Variants in SND1 observed in about 807,000 individuals in gnomAD.
SND1 encodes staphylococcal nuclease and tudor domain containing 1, also known as staphylococcal nuclease domain-containing protein 1.
SND1 carries 38 observed loss-of-function variants against 121.7 expected under a neutral mutation model. The ratio of observed to expected loss-of-function variants is 0.31; its 90% CI spans 0.24 to 0.41. The LOEUF (loss-of-function observed/expected upper bound fraction) is 0.41. Among genes scored for constraint, SND1 ranks in the 10% least tolerant of loss-of-function variants. The pLI, the probability that SND1 is intolerant of heterozygous loss-of-function variation, is 1.00. For synonymous variants in SND1, 401 were observed against 447.4 expected, an observed-to-expected ratio of 0.90 and a Z score of 1.31; for missense variants, 868 against 1,184.6, an observed-to-expected ratio of 0.73 and a Z score of 3.92.
intron 16 of SND1, among the ~76,000 whole-genome samples, chr7:128,001,406 C>T (rs1802823220): frequency 1.3e-5 from 2 of 152,226 alleles, no homozygotes; most frequent in African/African-American, 4.8e-5. Flanking sequence ...CATCCCTTAG[C>T]CTCTCTAAAC....
chr7:127,941,545 C>T (rs1227838240), intron 15 of SND1, among the ~76,000 whole-genome samples: 1 of 152,196 alleles, frequency 6.6e-6, no homozygotes. Flanking sequence ...TGAGCTTGTA[C>T]ATCTGCTAGT....
intron 11 of SND1, among the ~76,000 whole-genome samples, chr7:127,820,604 T>C (rs1798530480): frequency 6.6e-6 from 1 of 152,216 alleles, no homozygotes; most frequent in South Asian, 2.1e-4. Context: ...GAAAGTAGAA[T>C]TGATAGTCTT....
rs765588409 is a variant in SND1 at position 127,858,180 on chromosome 7, A to T, written c.1343+13756A>T. ...GGGGTCCCTAGGGCCTGGCACCCCAAACCCTTCAGCCGCATGGCCAACTGT... is the reference window on the plus strand; with the variant it reads ...GGGGTCCCTAGGGCCTGGCACCCCATACCCTTCAGCCGCATGGCCAACTGT... On this transcript the variant is annotated intron_variant, in intron 12 of 23. Coordinates refer to ENST00000354725, the MANE Select transcript of SND1 (RefSeq NM_014390.4). The T allele has an allele frequency of 2.4e-5, 19 of 799,608 alleles. No homozygotes were observed. The Middle Eastern group carries it at 6.7e-4, about 28-fold the overall frequency. 49.5% of individuals were successfully genotyped at this position (799,608 alleles called of 1,614,324 possible). A position where few individuals can be genotyped will look rare whatever the true frequency, so the allele number is the denominator to read the frequency against.
chr7:127,865,781 C>CTT (rs111595150), intron 12 of SND1, among the ~76,000 whole-genome samples: 2 of 142,126 alleles, frequency 1.4e-5, no homozygotes. Flanking sequence ...ATTTATTTAT[C>CTT]TTTTTTTTTT....
chr7:127,899,351 C>A (rs760724083), intron 13 of SND1, among the ~76,000 whole-genome samples: 11 of 152,058 alleles, frequency 7.2e-5, no homozygotes, highest in Admixed American at 4.6e-4. Context: ...TTAAAAATTT[C>A]TGTTCTCCCA....
chr7:127,708,547 T>C (rs941474186), intron 9 of SND1, among the ~76,000 whole-genome samples: 1 of 152,108 alleles, frequency 6.6e-6, no homozygotes, highest in African/African-American at 2.4e-5. Flanking sequence ...CCTATAAATA[T>C]ATGACCTCAA....
intron 15 of SND1, among the ~76,000 whole-genome samples, chr7:127,954,572 A>C (rs1036981820): frequency 2.0e-5 from 3 of 152,142 alleles, no homozygotes; most frequent in Admixed American, 6.5e-5. Flanking sequence ...CATCCATGTG[A>C]CCACTCTCCA....
chr7:127,679,241 G>C (rs914074020), intron 1 of SND1: 1 of 152,252 alleles, frequency 6.6e-6, no homozygotes, highest in Middle Eastern at 3.4e-3. Flanking sequence ...GGATTTGAAG[G>C]TTTATACTTA....
chr7:127,963,906 C>G (rs1193967280), intron 15 of SND1, among the ~76,000 whole-genome samples: 11 of 121,398 alleles, frequency 9.1e-5, no homozygotes, highest in African/African-American at 3.6e-4. Context: ...CACATCCTCT[C>G]CAGCACCTGT....
Position 128,052,645 on chromosome 7 carries a change from A to G in SND1, c.1780-21857A>G, listed in dbSNP as rs758405360. The stretch of plus-strand genomic sequence containing the variant: ...AGCTCAGCATCAGAGTGACAGCTGC[A>G]TACCAGGCTGTTTGCTGAACACAAC... On this transcript the variant is annotated intron_variant, in intron 16 of 23. Transcript: ENST00000354725. The surrounding 1 kb of genome is among the most constrained non-coding windows in gnomAD (Gnocchi z 4.6). 1.5e-4 allele frequency among the ~76,000 whole-genome samples: 23 copies of G among 152,360 alleles called. 1 individual carries two copies. The highest frequency in any genetic ancestry group is 2.6e-4 in the Non-Finnish European group (18 of 68,028).
chr7:128,047,566 G>C (rs931020397), intron 16 of SND1, among the ~76,000 whole-genome samples: 2 of 152,232 alleles, frequency 1.3e-5, no homozygotes, highest in African/African-American at 4.8e-5. Flanking sequence ...ACAGAACAGT[G>C]TTGGTGAATT....
chr7:128,018,130 G>A (rs1461559670), intron 16 of SND1, among the ~76,000 whole-genome samples: 1 of 152,218 alleles, frequency 6.6e-6, no homozygotes, highest in Non-Finnish European at 1.5e-5. Context: ...GTACTGCTCA[G>A]GGCACCGCCT....
chr7:127,878,788 G>A (rs1799736394), intron 12 of SND1, among the ~76,000 whole-genome samples: 1 of 152,096 alleles, frequency 6.6e-6, no homozygotes, highest in Non-Finnish European at 1.5e-5. Context: ...AGGGGGAAGT[G>A]AAAAATAGTG....
At chr7:127,845,698 G>A (rs560573779) in intron 12 of SND1, among the ~76,000 whole-genome samples, 1 of 152,282 alleles carries the variant, frequency 6.6e-6, no homozygotes, top group African/African-American at 2.4e-5. Context: ...AGATACTGCT[G>A]CTTTTAAGTA....
chr7:127,888,271 A>G (rs1799948080), intron 13 of SND1, among the ~76,000 whole-genome samples: 1 of 152,108 alleles, frequency 6.6e-6, no homozygotes, highest in African/African-American at 2.4e-5. Flanking sequence ...TTGTAGCTGT[A>G]TAAAAGAAAG....
At chr7:127,941,777 G>C (rs181159832) in intron 15 of SND1, among the ~76,000 whole-genome samples, 1 of 149,782 alleles carries the variant, frequency 6.7e-6, no homozygotes, top group East Asian at 1.9e-4. Flanking sequence ...GAATGATGTC[G>C]TATGTGCAGG....
chr7:127,909,647 A>G lies in SND1; in HGVS notation c.1527+4828A>G, dbSNP rs114761744. Among the ~76,000 whole-genome samples, 1,208 of 152,178 alleles carry G rather than the reference A, an allele frequency of 7.9e-3. 18 individuals carry two copies. Among genetic ancestry groups the G allele is most frequent in the African/African-American group, 0.027 (1,128 of 41,528 alleles). On this transcript the variant is annotated intron_variant, in intron 14 of 23. Transcript: ENST00000354725. ...GGATCTTGCTATGTTGTCCAGGCCA[A>G]TCTGAAACCCCTGGCCTCAAGTGAT...
intron 16 of SND1, among the ~76,000 whole-genome samples, chr7:128,009,150 CAAGTT>C (rs1021332547): frequency 3.3e-5 from 5 of 152,162 alleles, no homozygotes; most frequent in African/African-American, 1.2e-4. Flanking sequence ...GAACACCACA[CAAGTT>C]AAGCTATATT....
At chr7:127,743,967 T>G (rs1440103791) in intron 10 of SND1, among the ~76,000 whole-genome samples, 2 of 152,188 alleles carry the variant, frequency 1.3e-5, no homozygotes, top group Admixed American at 1.3e-4. Flanking sequence ...GATACAAATA[T>G]TTTTCAAATG....
Sources: allele counts gnomAD v4.1 joint callset (sites outside exome capture counted in the v4.1 genomes callset), GRCh38; gene constraint gnomAD v4.1.1; non-coding constraint Gnocchi (gnomAD v3.1); transcripts MANE v1.5; gene names NCBI Gene and HGNC (gene_info 2026-07-23, HGNC 2026-07-21).